Variants in LHFPL6 observed in about 807,000 individuals in gnomAD.
LHFPL6 encodes the protein LHFPL tetraspan subfamily member 6, also known as LHFPL tetraspan subfamily member 6 protein.
LHFPL6 carries 9 observed loss-of-function variants against 20.6 expected under a neutral mutation model. The observed-to-expected ratio is 0.44, with a 90% CI of 0.26 to 0.76. LHFPL6 has a LOEUF of 0.76. Ranked by LOEUF, LHFPL6 falls within the 30% of genes least tolerant of loss-of-function variation. The pLI, the probability that LHFPL6 is intolerant of heterozygous loss-of-function variation, is 0.20. For missense variants in LHFPL6, 218 were observed against 253.5 expected, an observed-to-expected ratio of 0.86 and a Z score of 0.95; for synonymous variants, 105 against 98.7, an observed-to-expected ratio of 1.06 and a Z score of -0.38.
At chr13:39,375,601 G>C (rs1335837854) in intron 3 of LHFPL6, among the ~76,000 whole-genome samples, 1 of 151,732 alleles carries the variant, frequency 6.6e-6, no homozygotes, top group African/African-American at 2.4e-5. Context: ...TGAGGCACGA[G>C]AATCGCTTAA....
chr13:39,480,207 T>C (rs906681329), intron 2 of LHFPL6, among the ~76,000 whole-genome samples: 2 of 152,182 alleles, frequency 1.3e-5, no homozygotes, highest in Non-Finnish European at 2.9e-5. Context: ...GAAAACAATC[T>C]GAACCTAGAC....
intron 2 of LHFPL6, among the ~76,000 whole-genome samples, chr13:39,441,678 A>G (rs1448127857): frequency 6.6e-6 from 1 of 151,344 alleles, no homozygotes; most frequent in African/African-American, 2.4e-5. Context: ...ATGCCCAGCT[A>G]ATTACTGTAT....
intron 2 of LHFPL6, among the ~76,000 whole-genome samples, chr13:39,513,698 C>T (rs961769762): frequency 1.3e-5 from 2 of 152,124 alleles, no homozygotes; most frequent in Non-Finnish European, 2.9e-5. Context: ...GGTATTATTT[C>T]CTTTTTACAG....
intron 3 of LHFPL6, among the ~76,000 whole-genome samples, chr13:39,344,804 C>CA (rs1869345517): frequency 6.6e-6 from 1 of 152,092 alleles, no homozygotes; most frequent in Non-Finnish European, 1.5e-5. Context: ...ACATGGTTGA[C>CA]AAAAAAGCTT....
Position 39,559,872 on chromosome 13 carries a change from C to G in LHFPL6, c.385+40960G>C, listed in dbSNP as rs1047709032. On this transcript the variant is annotated intron_variant, in intron 2 of 3. Transcript: ENST00000379589. Reference sequence around the variant, plus strand: ...GTACTACGGCAGTCCCCCATTTTCCCTCCTCTAAAGAGAAAACATTTATTT... The same window carrying G: ...GTACTACGGCAGTCCCCCATTTTCCGTCCTCTAAAGAGAAAACATTTATTT... Among the ~76,000 whole-genome samples the G allele has an allele frequency of 2.0e-5, 3 of 152,298 alleles. No homozygotes were observed. In the East Asian group the frequency reaches 5.8e-4, roughly 29 times the overall value.
chr13:39,447,357 G>A (rs768999213), intron 2 of LHFPL6, among the ~76,000 whole-genome samples: 2 of 151,916 alleles, frequency 1.3e-5, no homozygotes, highest in East Asian at 1.9e-4. Context: ...TATACTTCAC[G>A]ATATTTTTTT....
chr13:39,404,227 T>C (rs1031290698), intron 2 of LHFPL6, among the ~76,000 whole-genome samples: 12 of 152,216 alleles, frequency 7.9e-5, no homozygotes, highest in Non-Finnish European at 1.3e-4. Context: ...TACTTTAAAC[T>C]TCTTAGTTGC....
intron 2 of LHFPL6, among the ~76,000 whole-genome samples, chr13:39,453,725 T>C (rs1872505818): frequency 6.6e-6 from 1 of 152,174 alleles, no homozygotes; most frequent in Non-Finnish European, 1.5e-5. Context: ...CCTGGGCAGG[T>C]AGTCCATTCA....
At chr13:39,496,885 A>G (rs1244889987) in intron 2 of LHFPL6, among the ~76,000 whole-genome samples, 1 of 152,208 alleles carries the variant, frequency 6.6e-6, no homozygotes, top group Non-Finnish European at 1.5e-5. Flanking sequence ...CTCAGTCACT[A>G]GGAGAGATGA....
chr13:39,361,843 T>G (rs890602240), intron 3 of LHFPL6, among the ~76,000 whole-genome samples: 1 of 152,174 alleles, frequency 6.6e-6, no homozygotes, highest in Non-Finnish European at 1.5e-5. Flanking sequence ...CATTGCCAGA[T>G]AAGAGAATGT....
At chr13:39,395,069 G>A (rs1013856910) in intron 2 of LHFPL6, among the ~76,000 whole-genome samples, 18 of 152,108 alleles carry the variant, frequency 1.2e-4, no homozygotes, top group Non-Finnish European at 2.5e-4. Flanking sequence ...GTCCAGAGGT[G>A]TGAAAGAGGT....
intron 2 of LHFPL6, among the ~76,000 whole-genome samples, chr13:39,546,249 C>T (rs998234666): frequency 5.9e-5 from 9 of 151,968 alleles, no homozygotes; most frequent in Non-Finnish European, 1.3e-4. Flanking sequence ...CGCCATAGAC[C>T]GACCCTTAAT....
At chr13:39,522,975 G>C (rs1870159053) in intron 2 of LHFPL6, among the ~76,000 whole-genome samples, 1 of 152,120 alleles carries the variant, frequency 6.6e-6, no homozygotes, top group Admixed American at 6.5e-5. Context: ...ATATGAGTAG[G>C]TATCTGAAAT....
Position 39,369,597 on chromosome 13 carries a change from T to TCCTTCCTTCCTC in LHFPL6, c.484+8830_484+8831insGAGGAAGGAAGG, listed in dbSNP as rs763910245. On this transcript the variant is annotated intron_variant, in intron 3 of 3. Coordinates refer to ENST00000379589, the MANE Select transcript of LHFPL6 (RefSeq NM_005780.3). Reference sequence around the variant, plus strand: ...TTCCTTCCTTCCTTCCTTCCTTCCTTCCTCCCTCTCTCCCTCCCTTCCTTC... The same window carrying TCCTTCCTTCCTC: ...TTCCTTCCTTCCTTCCTTCCTTCCTTCCTTCCTTCCTCCCTCCCTCTCTCCCTCCCTTCCTTC... Among the ~76,000 whole-genome samples the TCCTTCCTTCCTC allele has an allele frequency of 1.2e-3, 107 of 87,468 alleles. 4 individuals are homozygous for TCCTTCCTTCCTC. The highest frequency in any genetic ancestry group is 4.5e-3 in the African/African-American group (103 of 23,134). The allele number at this position is 87,468 out of a possible 152,430, so 57.4% of individuals were successfully genotyped here.
At chr13:39,415,972 C>T (rs1458833337) in intron 2 of LHFPL6, among the ~76,000 whole-genome samples, 2 of 104,168 alleles carry the variant, frequency 1.9e-5, no homozygotes, top group African/African-American at 6.5e-5. Context: ...TCAGACATCA[C>T]CCCTAGATTC....
At chr13:39,595,254 T>C (rs1026779244) in intron 2 of LHFPL6, among the ~76,000 whole-genome samples, 1 of 152,220 alleles carries the variant, frequency 6.6e-6, no homozygotes, top group African/African-American at 2.4e-5. Flanking sequence ...TTAGAGTGCA[T>C]GCTCTCACTG....
chr13:39,594,053 T>C (rs1034965114), intron 2 of LHFPL6, among the ~76,000 whole-genome samples: 7 of 152,160 alleles, frequency 4.6e-5, no homozygotes, highest in Non-Finnish European at 8.8e-5. Context: ...GACATAGGCA[T>C]GGGCAAGGAC....
At chr13:39,541,616 T>C (rs913518536) in intron 2 of LHFPL6, among the ~76,000 whole-genome samples, 1 of 152,194 alleles carries the variant, frequency 6.6e-6, no homozygotes, top group African/African-American at 2.4e-5. Context: ...ATTGTCTCTA[T>C]TCACTCTCAC....
intron 2 of LHFPL6, among the ~76,000 whole-genome samples, chr13:39,435,062 CAAAAAAAAAAA>C (rs55701240): frequency 5.6e-5 from 3 of 53,368 alleles, no homozygotes; most frequent in East Asian, 7.4e-4. Flanking sequence ...GACTCCGTCT[CAAAAAAAAAAA>C]AAAAAAAAAA....
Sources: allele counts gnomAD v4.1 joint callset (sites outside exome capture counted in the v4.1 genomes callset), GRCh38; gene constraint gnomAD v4.1.1; transcripts MANE v1.5; gene names NCBI Gene and HGNC (gene_info 2026-07-23, HGNC 2026-07-21).